ADAMTSL1: variants seen among roughly 807,000 people sequenced by gnomAD.
ADAMTSL1 encodes the protein ADAMTS-like protein 1.
In ADAMTSL1, 126 loss-of-function variants were observed where a neutral mutation model predicts 201.8. That is an observed-to-expected ratio of 0.62 (90% CI 0.54 to 0.72). The LOEUF (loss-of-function observed/expected upper bound fraction) is 0.72. Among genes scored for constraint, ADAMTSL1 ranks in the 30% least tolerant of loss-of-function variants. ADAMTSL1 has a pLI of 0.00. For missense variants in ADAMTSL1, 2,679 were observed against 2,277.8 expected, an observed-to-expected ratio of 1.18 and a Z score of -3.59; for synonymous variants, 1,121 against 903.4, an observed-to-expected ratio of 1.24 and a Z score of -4.32.
chr9:18,436,413 T>A (rs963359787), intron 2 of ADAMTSL1, among the ~76,000 whole-genome samples: 14 of 152,206 alleles, frequency 9.2e-5, no homozygotes, highest in Non-Finnish European at 4.4e-5. Context: ...GCATCCTCTT[T>A]CTTGCTCTTG....
intron 2 of ADAMTSL1, among the ~76,000 whole-genome samples, chr9:18,361,482 T>C (rs1836516641): frequency 6.6e-6 from 1 of 152,198 alleles, no homozygotes. Flanking sequence ...GGCTGCAGGC[T>C]TTGGGGGGAA....
chr9:18,278,335 T>C (rs1328171376), intron 2 of ADAMTSL1, among the ~76,000 whole-genome samples: 1 of 152,190 alleles, frequency 6.6e-6, no homozygotes, highest in Non-Finnish European at 1.5e-5. Flanking sequence ...GTACAGCAGG[T>C]CTAGAGGTAA....
intron 1 of ADAMTSL1, among the ~76,000 whole-genome samples, chr9:18,043,334 A>C (rs1476566527): frequency 2.6e-5 from 4 of 152,138 alleles, no homozygotes; most frequent in Non-Finnish European, 5.9e-5. Context: ...AAAAATGCCC[A>C]AGAAAGTAGT....
At chr9:18,186,356 C>CT (rs960749578) in intron 2 of ADAMTSL1, among the ~76,000 whole-genome samples, 11 of 152,194 alleles carry the variant, frequency 7.2e-5, no homozygotes, top group Admixed American at 7.2e-4. Flanking sequence ...TTGAGGTTTG[C>CT]TTTTTTTGGT....
chr9:18,756,072 T>A (rs1819727758), intron 16 of ADAMTSL1, among the ~76,000 whole-genome samples: 1 of 98,030 alleles, frequency 1.0e-5, no homozygotes, highest in Non-Finnish European at 2.0e-5. Flanking sequence ...CTGTCTCTAC[T>A]GAAAATATAT....
intron 2 of ADAMTSL1, among the ~76,000 whole-genome samples, chr9:18,401,259 T>A (rs934827288): frequency 4.6e-5 from 7 of 152,218 alleles, no homozygotes; most frequent in Admixed American, 4.6e-4. Context: ...CTGAGTTTTG[T>A]TTTTCTCATG....
intron 3 of ADAMTSL1, among the ~76,000 whole-genome samples, chr9:18,562,916 C>A (rs1472801765): frequency 3.9e-5 from 6 of 152,156 alleles, no homozygotes; most frequent in African/African-American, 2.4e-5. Flanking sequence ...AGCATTTTGT[C>A]TAACATTTTT....
chr9:18,008,663 C>T (rs1442631062), intron 1 of ADAMTSL1, among the ~76,000 whole-genome samples: 2 of 151,864 alleles, frequency 1.3e-5, no homozygotes, highest in East Asian at 3.9e-4. Context: ...GTTGTTTTAC[C>T]TAAGGGAAAA....
At chr9:18,143,933 A>C (rs1376843289) in intron 1 of ADAMTSL1, among the ~76,000 whole-genome samples, 10 of 152,198 alleles carry the variant, frequency 6.6e-5, no homozygotes, top group African/African-American at 2.2e-4. Flanking sequence ...GGGGGCAGAT[A>C]AAATATGTTT....
chr9:18,903,678 T>C (rs2131613910), intron 26 of ADAMTSL1, among the ~76,000 whole-genome samples: 1 of 151,426 alleles, frequency 6.6e-6, no homozygotes, highest in Non-Finnish European at 1.5e-5. Context: ...GCAGCTAGCT[T>C]TGCTTCTCTA....
chr9:18,508,822 G>A (rs12001382), intron 2 of ADAMTSL1, among the ~76,000 whole-genome samples: 27,776 of 152,006 alleles, frequency 0.18, 2,743 homozygotes, highest in African/African-American at 0.23. Flanking sequence ...ACTGTAATTA[G>A]GTCATTGCTT....
intron 1 of ADAMTSL1, among the ~76,000 whole-genome samples, chr9:17,933,849 G>A (rs937729868): frequency 4.6e-5 from 7 of 152,074 alleles, no homozygotes; most frequent in Non-Finnish European, 1.0e-4. Context: ...TGAACAATGG[G>A]GATTACAATT....
chr9:18,534,366 T>C (rs1365339889), intron 3 of ADAMTSL1, among the ~76,000 whole-genome samples: 1 of 151,840 alleles, frequency 6.6e-6, no homozygotes, highest in East Asian at 1.9e-4. Context: ...CTGTCTCTTA[T>C]AAGAAAGAAG....
At chr9:18,027,091 T>C (rs2131595895) in intron 1 of ADAMTSL1, among the ~76,000 whole-genome samples, 1 of 151,668 alleles carries the variant, frequency 6.6e-6, no homozygotes, top group South Asian at 2.1e-4. Context: ...ATTTAGGTCT[T>C]CTCTTTTTTT....
intron 1 of ADAMTSL1, among the ~76,000 whole-genome samples, chr9:18,137,012 G>T (rs778460571): frequency 6.6e-6 from 1 of 152,206 alleles, no homozygotes; most frequent in East Asian, 1.9e-4. Context: ...GGGAAGGGAA[G>T]GGAAAGAGTT....
chr9:18,499,025 C>CCCAAA (rs1209318233), intron 1 of ADAMTSL1, among the ~76,000 whole-genome samples: 1 of 152,248 alleles, frequency 6.6e-6, no homozygotes, highest in Admixed American at 6.5e-5. Context: ...AAAAGGGAGA[C>CCCAAA]AGGTACCCAA....
chr9:17,994,274 G>A (rs753753706), intron 1 of ADAMTSL1, among the ~76,000 whole-genome samples: 10 of 152,100 alleles, frequency 6.6e-5, no homozygotes, highest in East Asian at 3.9e-4. Flanking sequence ...TTGAGCTGTC[G>A]CTGGTTGGAG....
At chr9:18,076,657 C>A (rs1001413349) in intron 1 of ADAMTSL1, among the ~76,000 whole-genome samples, 1 of 152,138 alleles carries the variant, frequency 6.6e-6, no homozygotes, top group Non-Finnish European at 1.5e-5. Flanking sequence ...GGGGAATGTA[C>A]AAGCAGCTAA....
intron 2 of ADAMTSL1, among the ~76,000 whole-genome samples, chr9:18,465,594 C>T (rs1005755324): frequency 6.6e-6 from 1 of 152,148 alleles, no homozygotes; most frequent in Non-Finnish European, 1.5e-5. Flanking sequence ...CACTGAATGT[C>T]CTTAGTGAGA....
Sources: allele counts gnomAD v4.1 joint callset (sites outside exome capture counted in the v4.1 genomes callset), GRCh38; gene constraint gnomAD v4.1.1; transcripts MANE v1.5; gene names NCBI Gene and HGNC (gene_info 2026-07-23, HGNC 2026-07-21).